F13A1: variants seen among roughly 807,000 people sequenced by gnomAD.
F13A1 encodes coagulation factor XIII A chain, also known as FSF, A subunit.
F13A1 carries 47 observed loss-of-function variants against 80.1 expected under a neutral mutation model. That is an observed-to-expected ratio of 0.59 (90% confidence interval 0.46 to 0.75). F13A1 has a LOEUF of 0.75. Ranked by LOEUF, F13A1 falls within the 30% of genes least tolerant of loss-of-function variation. F13A1 has a pLI of 0.00. For synonymous variants in F13A1, 349 were observed against 344.9 expected, an observed-to-expected ratio of 1.01 and a Z score of -0.13; for missense variants, 817 against 930.4, an observed-to-expected ratio of 0.88 and a Z score of 1.59.
At position 6,316,116 on chromosome 6, in the gene F13A1, T is replaced by C. The variant is rs1307921015; in HGVS notation, c.130+2419A>G. On this transcript the variant is annotated intron_variant, in intron 2 of 14. Coordinates refer to ENST00000264870, the MANE Select transcript of F13A1 (RefSeq NM_000129.4). ...ATATATATATATATATATATATATA[T>C]ATATATATATATATATATATATATA... 2.5e-3 allele frequency among the ~76,000 whole-genome samples: 159 copies of C among 64,064 alleles called. 14 individuals are homozygous for C. Among genetic ancestry groups the C allele is most frequent in the African/African-American group, 9.9e-3 (147 of 14,892 alleles). The allele number at this position is 64,064 out of a possible 152,430, so 42.0% of individuals were successfully genotyped here.
intron 8 of F13A1, among the ~76,000 whole-genome samples, chr6:6,216,650 T>C (rs1486883933): frequency 6.7e-6 from 1 of 149,412 alleles, no homozygotes; most frequent in East Asian, 1.9e-4. Flanking sequence ...CCAAAAGCAA[T>C]GGCAACAAAA....
At chr6:6,196,855 A>G (rs1433527096) in intron 9 of F13A1, among the ~76,000 whole-genome samples, 1 of 152,142 alleles carries the variant, frequency 6.6e-6, no homozygotes, top group African/African-American at 2.4e-5. Flanking sequence ...CGAGTTCTCT[A>G]TTTTCTCTCC....
intron 3 of F13A1, among the ~76,000 whole-genome samples, chr6:6,288,840 A>G (rs1043561227): frequency 1.3e-5 from 2 of 152,176 alleles, no homozygotes; most frequent in African/African-American, 4.8e-5. Flanking sequence ...GGTAGTAACC[A>G]TTCTAACAGG....
intron 8 of F13A1, among the ~76,000 whole-genome samples, chr6:6,211,018 A>G (rs894079813): frequency 6.6e-6 from 1 of 152,238 alleles, no homozygotes; most frequent in Non-Finnish European, 1.5e-5. Flanking sequence ...GGTGTGAGCC[A>G]CCACGCCCAG....
At chr6:6,190,792 C>G (rs1761175123) in intron 10 of F13A1, among the ~76,000 whole-genome samples, 1 of 152,142 alleles carries the variant, frequency 6.6e-6, no homozygotes, top group Admixed American at 6.5e-5. Context: ...CCTAAGCAAG[C>G]CTGGGCAATG....
intron 3 of F13A1, among the ~76,000 whole-genome samples, chr6:6,273,582 A>G (rs1757949551): frequency 6.6e-6 from 1 of 152,236 alleles, no homozygotes; most frequent in African/African-American, 2.4e-5. Context: ...GAACACAGGA[A>G]TCTATCATGT....
At chr6:6,216,835 AAAAC>A (rs1318964281) in intron 8 of F13A1, among the ~76,000 whole-genome samples, 17 of 145,466 alleles carry the variant, frequency 1.2e-4, no homozygotes, top group Non-Finnish European at 1.8e-4. Flanking sequence ...TTACAAGAAA[AAAAC>A]AAACAACCCC....
In F13A1 at chr6:6,212,081, A is replaced by G. The variant is rs191075456; in HGVS notation, c.1112+9952T>C. Reference sequence around the variant, plus strand: ...CACAGCAGTCTGAGATCAAACAGCAAAGCAGCAGCAAGGCTGGCGGAGGGG... The same window carrying G: ...CACAGCAGTCTGAGATCAAACAGCAGAGCAGCAGCAAGGCTGGCGGAGGGG... On this transcript the variant is annotated intron_variant, in intron 8 of 14. Transcript: ENST00000264870. Among the ~76,000 whole-genome samples, 365 of 152,386 alleles carry G rather than the reference A, an allele frequency of 2.4e-3. 1 individual carries two copies. Among genetic ancestry groups the G allele is most frequent in the African/African-American group, 8.1e-3 (336 of 41,598 alleles).
At chr6:6,307,541 G>A (rs1407407688) in intron 2 of F13A1, among the ~76,000 whole-genome samples, 1 of 152,040 alleles carries the variant, frequency 6.6e-6, no homozygotes, top group African/African-American at 2.4e-5. Context: ...CTTAGCACAG[G>A]GGCTTTAAAG....
chr6:6,167,649 A>G (rs1358071695), intron 12 of F13A1, 31 bp from the exon 13 acceptor site: 1 of 1,611,104 alleles, frequency 6.2e-7, no homozygotes, highest in Non-Finnish European at 8.5e-7. Flanking sequence ...CAGGCCTGGC[A>G]TCAAGACTTG....
At chr6:6,311,986 TTA>T (rs1366891119) in intron 2 of F13A1, among the ~76,000 whole-genome samples, 4 of 147,894 alleles carry the variant, frequency 2.7e-5, no homozygotes, top group Non-Finnish European at 6.0e-5. Flanking sequence ...AACAATATAT[TTA>T]TATATGATAT....
At chr6:6,299,569 G>A (rs7742730) in intron 3 of F13A1, among the ~76,000 whole-genome samples, 1 of 133,166 alleles carries the variant, frequency 7.5e-6, no homozygotes, top group African/African-American at 3.4e-5. Context: ...CATTCTTCAC[G>A]TAGTTCTCGA....
intron 2 of F13A1, among the ~76,000 whole-genome samples, chr6:6,316,945 C>G (rs1259760233): frequency 6.6e-6 from 1 of 152,190 alleles, no homozygotes; most frequent in Admixed American, 6.5e-5. Flanking sequence ...TGCTTCCCTG[C>G]ACTGCCTTTG....
intron 10 of F13A1, among the ~76,000 whole-genome samples, chr6:6,190,965 T>G (rs7763184): frequency 6.7e-6 from 1 of 149,410 alleles, no homozygotes; most frequent in African/African-American, 2.5e-5. Context: ...GCGCAGTATT[T>G]GGGTGTGAGT....
chr6:6,159,367 G>GT (rs1760534160), intron 13 of F13A1, among the ~76,000 whole-genome samples: 1 of 152,148 alleles, frequency 6.6e-6, no homozygotes, highest in South Asian at 2.1e-4. Context: ...GTTAACCTCG[G>GT]TAAAAATTGT....
chr6:6,229,898 C>A (rs1757327510), intron 6 of F13A1, among the ~76,000 whole-genome samples: 1 of 152,132 alleles, frequency 6.6e-6, no homozygotes, highest in Non-Finnish European at 1.5e-5. Context: ...ACTTGGAGAG[C>A]TGAGGGAAAT....
chr6:6,212,406 C>T (rs1761634682), intron 8 of F13A1, among the ~76,000 whole-genome samples: 1 of 152,318 alleles, frequency 6.6e-6, no homozygotes, highest in East Asian at 1.9e-4. Flanking sequence ...GAGGCACCCC[C>T]CAGCAGGGGC....
intron 5 of F13A1, among the ~76,000 whole-genome samples, chr6:6,249,738 TCAGGCAG>T (rs1323517734): frequency 1.3e-5 from 2 of 152,154 alleles, no homozygotes; most frequent in Non-Finnish European, 2.9e-5. Context: ...GACAAGGGCA[TCAGGCAG>T]TAGGCAGTAT....
intron 11 of F13A1, 61 bp from the exon 12 acceptor site, chr6:6,174,928 T>C: frequency 2.5e-6 from 4 of 1,594,648 alleles, no homozygotes; most frequent in Admixed American, 3.3e-5. Context: ...GAAAGTCACA[T>C]TAATGGATGC....
Sources: gnomAD v4.1 joint callset for allele counts (sites outside exome capture counted in the v4.1 genomes callset) on GRCh38, gnomAD v4.1.1 for gene constraint, MANE v1.5 for transcripts, NCBI Gene and HGNC (gene_info 2026-07-23, HGNC 2026-07-21) for gene names.